The following UBL3 variants were observed in gnomAD, a reference collection of about 807,000 sequenced individuals.
UBL3 encodes ubiquitin-like protein 3.
In UBL3, 6 loss-of-function variants were observed where a neutral mutation model predicts 18.4. The ratio of observed to expected loss-of-function variants is 0.33; its 90% CI spans 0.18 to 0.64. UBL3 has a LOEUF of 0.64. UBL3 is among the 30% of genes least tolerant of loss of function. The pLI is 0.76. For synonymous variants in UBL3, 49 were observed against 46.6 expected, an observed-to-expected ratio of 1.05 and a Z score of -0.21; for missense variants, 109 against 142.9, an observed-to-expected ratio of 0.76 and a Z score of 1.21.
chr13:29,780,911 C>T (rs1396202318), intron 1 of UBL3, among the ~76,000 whole-genome samples: 3 of 152,130 alleles, frequency 2.0e-5, no homozygotes, highest in African/African-American at 4.8e-5. Flanking sequence ...CGGTGGCTCA[C>T]GCCTGTAATC....
intron 1 of UBL3, among the ~76,000 whole-genome samples, chr13:29,849,034 T>C (rs1357937058): frequency 2.6e-5 from 4 of 152,226 alleles, no homozygotes; most frequent in African/African-American, 9.6e-5. Context: ...TCTAACATAC[T>C]TTTTCTTGAA....
intron 1 of UBL3, among the ~76,000 whole-genome samples, chr13:29,846,285 CTCAA>C (rs928234585): frequency 6.6e-6 from 1 of 152,068 alleles, no homozygotes; most frequent in African/African-American, 2.4e-5. Flanking sequence ...CTAGTTCAAA[CTCAA>C]TCACTCTTAG....
intron 1 of UBL3, among the ~76,000 whole-genome samples, chr13:29,809,076 A>G (rs1292611365): frequency 6.6e-6 from 1 of 152,186 alleles, no homozygotes; most frequent in Non-Finnish European, 1.5e-5. Flanking sequence ...CTAGACACCT[A>G]CTGGGTACAC....
intron 1 of UBL3, among the ~76,000 whole-genome samples, chr13:29,797,836 A>G (rs1454857757): frequency 6.6e-6 from 1 of 152,140 alleles, no homozygotes; most frequent in East Asian, 1.9e-4. Context: ...GAAATCTGCC[A>G]AACATTTAGG....
At chr13:29,786,225 A>G (rs1017616609) in intron 1 of UBL3, among the ~76,000 whole-genome samples, 3 of 152,160 alleles carry the variant, frequency 2.0e-5, no homozygotes, top group Admixed American at 2.0e-4. Context: ...CATGGTCCCT[A>G]TATGGACCTG....
intron 3 of UBL3, among the ~76,000 whole-genome samples, chr13:29,768,036 A>G (rs1208083811): frequency 1.3e-5 from 2 of 152,032 alleles, no homozygotes; most frequent in Non-Finnish European, 2.9e-5. Flanking sequence ...ATATTAGGTA[A>G]AAGTTTAGAT....
chr13:29,787,851 G>C (rs556861480), intron 1 of UBL3, among the ~76,000 whole-genome samples: 1 of 152,268 alleles, frequency 6.6e-6, no homozygotes, highest in East Asian at 1.9e-4. Context: ...ACTAAACTAA[G>C]AAAGGAGAAA....
intron 1 of UBL3, among the ~76,000 whole-genome samples, chr13:29,820,099 A>G (rs985121705): frequency 3.6e-5 from 5 of 138,450 alleles, no homozygotes; most frequent in African/African-American, 1.3e-4. Flanking sequence ...TCCTAATAGT[A>G]GTATGCGAGT....
chr13:29,788,533 C>T (rs1030293771), intron 1 of UBL3, among the ~76,000 whole-genome samples: 3 of 152,162 alleles, frequency 2.0e-5, no homozygotes, highest in Non-Finnish European at 2.9e-5. Flanking sequence ...CCCCAAAACA[C>T]CCTCTCAAGA....
chr13:29,839,882 G>A (rs1219898320), intron 1 of UBL3, among the ~76,000 whole-genome samples: 1 of 150,224 alleles, frequency 6.7e-6, no homozygotes, highest in Non-Finnish European at 1.5e-5. Flanking sequence ...AGCAGAGATG[G>A]AGCCACTGCA....
In UBL3 at chr13:29,844,045, T is replaced by C. The variant is rs372832844; in HGVS notation, c.27+5467A>G. Among the ~76,000 whole-genome samples the C allele has an allele frequency of 2.6e-4, 40 of 152,344 alleles. 2 individuals are homozygous for C. The highest frequency in any genetic ancestry group is 6.8e-3 in the Middle Eastern group (2 of 294). On this transcript the variant is annotated intron_variant, in intron 1 of 4. Transcript: ENST00000380680. ...TTCCCCATCTCAATAAGAAGTATCA[T>C]AGATTCTTCTTTTAAAAAGTATTTT...
chr13:29,798,773 A>C (rs184981402), intron 1 of UBL3, among the ~76,000 whole-genome samples: 54 of 152,310 alleles, frequency 3.5e-4, no homozygotes, highest in African/African-American at 1.2e-3. Flanking sequence ...GAGAAACCCC[A>C]AAAAACTATA....
At chr13:29,818,343 G>C (rs1878337661) in intron 1 of UBL3, among the ~76,000 whole-genome samples, 1 of 152,050 alleles carries the variant, frequency 6.6e-6, no homozygotes, top group South Asian at 2.1e-4. Flanking sequence ...TCAAAACACA[G>C]GAATTCAGAG....
chr13:29,771,830 A>C (rs1169619122), intron 3 of UBL3, among the ~76,000 whole-genome samples: 1 of 152,044 alleles, frequency 6.6e-6, no homozygotes, highest in Non-Finnish European at 1.5e-5. Context: ...ATTATATATT[A>C]TTTGGAAATA....
intron 1 of UBL3, among the ~76,000 whole-genome samples, chr13:29,839,738 T>C (rs1879048759): frequency 6.6e-6 from 1 of 152,064 alleles, no homozygotes; most frequent in South Asian, 2.1e-4. Context: ...CCACCCTGGC[T>C]AACACGGTGA....
At chr13:29,794,410 A>C (rs1877557832) in intron 1 of UBL3, among the ~76,000 whole-genome samples, 1 of 151,992 alleles carries the variant, frequency 6.6e-6, no homozygotes, top group Admixed American at 6.6e-5. Context: ...TTTCTGACCT[A>C]CTTTAGTTAT....
At chr13:29,805,704 CATG>C (rs201589225) in intron 1 of UBL3, among the ~76,000 whole-genome samples, 1,744 of 152,294 alleles carry the variant, frequency 0.011, 10 homozygotes, top group Non-Finnish European at 0.02. Context: ...GATGATAGAA[CATG>C]ATTTCACCTA....
rs1164464755 is a variant in UBL3, at chr13:29,764,795, C to CTTT, written c.*2457_*2459dup. 6.6e-6 allele frequency: 1 copy of CTTT among 152,130 alleles called. No individual in the cohort carries two copies. Among genetic ancestry groups the CTTT allele is most frequent in the East Asian group, 1.9e-4 (1 of 5,202 alleles). 9.4% of individuals were successfully genotyped at this position (152,130 alleles called of 1,614,324 possible). A position where few individuals can be genotyped will look rare whatever the true frequency, so the allele number is the denominator to read the frequency against. On this transcript the variant is annotated 3_prime_UTR_variant, in exon 5 of 5. Coordinates refer to ENST00000380680, the MANE Select transcript of UBL3 (RefSeq NM_007106.4). ...ATTACTGGATCTATGCAGCTCTCAC[C>CTTT]TTTAGATAAGTGAGCTATATTTTTG...
At chr13:29,808,329 A>G (rs948419638) in intron 1 of UBL3, among the ~76,000 whole-genome samples, 44 of 138,668 alleles carry the variant, frequency 3.2e-4, no homozygotes, top group African/African-American at 1.1e-3. Flanking sequence ...GGATGACATG[A>G]CTACTTTAAA....
Sources: allele counts gnomAD v4.1 joint callset (sites outside exome capture counted in the v4.1 genomes callset), GRCh38; gene constraint gnomAD v4.1.1; transcripts MANE v1.5; gene names NCBI Gene and HGNC (gene_info 2026-07-23, HGNC 2026-07-21).